Variants in APTX observed in about 807,000 individuals in gnomAD.
The protein encoded by APTX is forkhead-associated domain histidine triad-like protein.
APTX carries 33 observed loss-of-function variants against 42.3 expected under a neutral mutation model. The observed-to-expected ratio is 0.78, with a 90% confidence interval of 0.59 to 1.04. The LOEUF is 1.04. APTX is among the 50% of genes least tolerant of loss of function. The pLI is 0.00. For synonymous variants in APTX, 130 were observed against 146.7 expected (o/e 0.89, Z 0.82); for missense variants, 421 against 415.1 (o/e 1.01, Z -0.12).
At chr9:33,003,051 G>A (rs1836814986), upstream of APTX, among the ~76,000 whole-genome samples, 1 of 152,188 alleles carries the variant, frequency 6.6e-6, no homozygotes, top group African/African-American at 2.4e-5. Context: ...AACTGCCCAA[G>A]ATAAAAAGAG....
At chr9:32,990,806 A>G (rs997338217) in intron 1 of APTX, among the ~76,000 whole-genome samples, 1 of 152,236 alleles carries the variant, frequency 6.6e-6, no homozygotes, top group African/African-American at 2.4e-5. Flanking sequence ...TCTAGTGCTT[A>G]GGTGTCTTTA....
intron 1 of APTX, among the ~76,000 whole-genome samples, chr9:32,994,856 C>G (rs1363033352): frequency 6.6e-6 from 1 of 152,108 alleles, no homozygotes; most frequent in Non-Finnish European, 1.5e-5. Context: ...TAAACTGAAG[C>G]CAACGCTCAT....
intron 6 of APTX, among the ~76,000 whole-genome samples, chr9:32,983,296 T>C (rs1276152925): frequency 6.6e-6 from 1 of 152,198 alleles, no homozygotes; most frequent in Non-Finnish European, 1.5e-5. Flanking sequence ...ATTCCATTTA[T>C]ACATGGTAGC....
At chr9:32,974,601 AC>A (rs771084215) in intron 6 of APTX, 40 bp from the exon 7 acceptor site, 2 of 1,101,356 alleles carry the variant, frequency 1.8e-6, no homozygotes, top group Non-Finnish European at 2.8e-6. Flanking sequence ...AAACTCTTTA[AC>A]AACTATGGCT....
chr9:33,004,467 A>G (rs114005258), upstream of APTX, among the ~76,000 whole-genome samples: 543 of 152,282 alleles, frequency 3.6e-3, no homozygotes, highest in African/African-American at 0.012. Flanking sequence ...TCTTCTTTCA[A>G]TTATTTTGAA....
chr9:33,004,663 C>T (rs1317762268), upstream of APTX, among the ~76,000 whole-genome samples: 2 of 133,862 alleles, frequency 1.5e-5, no homozygotes, highest in African/African-American at 2.8e-5. Context: ...GATGGAGTCT[C>T]GCTCTGTCAC....
intron 3 of APTX, 99 bp downstream of exon 3, chr9:32,987,984 A>G: frequency 6.6e-7 from 1 of 1,512,142 alleles, no homozygotes; most frequent in Non-Finnish European, 9.2e-7. Context: ...TCACTTCCAT[A>G]CATGACAGAG....
At chr9:33,007,518 G>A (rs1352923327) in intron 1 of APTX, among the ~76,000 whole-genome samples, 2 of 152,108 alleles carry the variant, frequency 1.3e-5, no homozygotes, top group Non-Finnish European at 2.9e-5. Flanking sequence ...CTGACTCAAG[G>A]GATATTTGGG....
intron 1 of APTX, 59 bp from the exon 2 acceptor site, chr9:32,989,954 G>C: frequency 6.4e-7 from 1 of 1,572,382 alleles, no homozygotes; most frequent in Admixed American, 1.9e-5. Flanking sequence ...GAGTCCTCCA[G>C]GGCCACACCC....
chr9:33,004,587 A>C (rs962756981), upstream of APTX, among the ~76,000 whole-genome samples: 2 of 151,578 alleles, frequency 1.3e-5, no homozygotes, highest in African/African-American at 4.8e-5. Context: ...CATTTCTACC[A>C]ATAGTGTACA....
chr9:32,984,592 A>G, intron 6 of APTX, 39 bp downstream of exon 6: 3 of 1,587,670 alleles, frequency 1.9e-6, no homozygotes, highest in Non-Finnish European at 2.6e-6. Flanking sequence ...GCCCACCTGG[A>G]CAGAACCAGG....
At position 32,998,901 on chromosome 9, in the gene APTX, AAAG is replaced by A. The variant is rs1025054615; in HGVS notation, c.-5+2663_-5+2665del. Among the ~76,000 whole-genome samples the A allele has an allele frequency of 7.9e-5, 12 of 152,282 alleles. No individual in the cohort carries two copies. In the South Asian group the frequency reaches 1.0e-3, roughly 13 times the overall value. On this transcript the variant is annotated intron_variant, in intron 1 of 7. Coordinates refer to ENST00000379817, the MANE Select transcript of APTX (RefSeq NM_001195248.2). ...AAAATTGGTCAAGCTAAAAAAAAAA[AAAG>A]AACAGTTTTTCATTGTTTATATGCC...
intron 1 of APTX, among the ~76,000 whole-genome samples, chr9:33,012,693 T>C (rs1296100032): frequency 1.3e-5 from 2 of 152,172 alleles, no homozygotes; most frequent in Non-Finnish European, 2.9e-5. Flanking sequence ...TAGCAGTTGC[T>C]ACACAGAACA....
At position 32,992,723 on chromosome 9, in the gene APTX, G is replaced by C. The variant is rs78006964; in HGVS notation, c.-4-2828C>G. 2.6e-3 allele frequency among the ~76,000 whole-genome samples: 399 copies of C among 152,346 alleles called. 3 individuals carry two copies. In the East Asian group the frequency reaches 0.064, roughly 24 times the overall value. ...AACAGCATCCAAAGAACACTTAACAGCTGTGTGTAGGCAGTCTAGCATGGA... is the reference window on the plus strand; with the variant it reads ...AACAGCATCCAAAGAACACTTAACACCTGTGTGTAGGCAGTCTAGCATGGA... On this transcript the variant is annotated intron_variant, in intron 1 of 7. Transcript: ENST00000379817.
intron 1 of APTX, among the ~76,000 whole-genome samples, chr9:32,994,501 A>C (rs1314025165): frequency 6.6e-6 from 1 of 152,180 alleles, no homozygotes; most frequent in Non-Finnish European, 1.5e-5. Flanking sequence ...ACATACTGGC[A>C]TACCTGCTTT....
At chr9:33,001,659 C>G (rs749066962), upstream of APTX, 24 of 1,606,398 alleles carry the variant, frequency 1.5e-5, no homozygotes, top group Non-Finnish European at 2.0e-5. Context: ...GGCTGTATCG[C>G]GACCAGTGAC....
intron 1 of APTX, among the ~76,000 whole-genome samples, chr9:32,990,834 T>C (rs10971277): frequency 0.07 from 10,735 of 152,326 alleles, 514 homozygotes; most frequent in Non-Finnish European, 0.11. Context: ...TAGGTTTTCC[T>C]TCCCTGTCAT....
At position 33,018,379 on chromosome 9, in the gene APTX, C is replaced by A. The variant is rs138081664; in HGVS notation, c.-5+6644G>T. The stretch of plus-strand genomic sequence containing the variant: ...GGTCAGGATTTTGAGACCAGCCTGG[C>A]CAACATGGTGAAACCCCGTCTCTAC... On this transcript the variant is annotated intron_variant, in intron 1 of 6. Transcript: ENST00000436040. Among the ~76,000 whole-genome samples the A allele has an allele frequency of 6.8e-3, 1,037 of 151,792 alleles. 9 individuals carry two copies. Among genetic ancestry groups the A allele is most frequent in the African/African-American group, 0.023 (967 of 41,408 alleles).
intron 1 of APTX, among the ~76,000 whole-genome samples, chr9:33,022,783 G>C (rs1281184602): frequency 6.6e-6 from 1 of 152,126 alleles, no homozygotes; most frequent in Non-Finnish European, 1.5e-5. Flanking sequence ...CACATACAAA[G>C]TTATTGCCAG....
Sources: gnomAD v4.1 joint callset for allele counts (sites outside exome capture counted in the v4.1 genomes callset) on GRCh38, gnomAD v4.1.1 for gene constraint, MANE v1.5 for transcripts, NCBI Gene and HGNC (gene_info 2026-07-23, HGNC 2026-07-21) for gene names.